The following ABRAXAS2 variants were observed in gnomAD, a reference collection of about 807,000 sequenced individuals.
ABRAXAS2 encodes the protein BRISC complex subunit Abraxas 2.
A neutral mutation model predicts 49.0 loss-of-function variants in ABRAXAS2; 23 were observed. The observed-to-expected ratio is 0.47, with a 90% confidence interval of 0.34 to 0.66. The LOEUF (loss-of-function observed/expected upper bound fraction) is 0.66. Ranked by LOEUF, ABRAXAS2 falls within the 30% of genes least tolerant of loss-of-function variation. The pLI, the probability that ABRAXAS2 is intolerant of heterozygous loss-of-function variation, is 0.01. For missense variants in ABRAXAS2, 443 were observed against 511.9 expected (o/e 0.87, Z 1.30); for synonymous variants, 168 against 180.2 (o/e 0.93, Z 0.54).
intron 1 of ABRAXAS2, among the ~76,000 whole-genome samples, chr10:124,805,003 C>T (rs551049543): frequency 7.9e-5 from 12 of 152,064 alleles, no homozygotes; most frequent in East Asian, 1.9e-4. Flanking sequence ...CAAGAGCCAC[C>T]GTGCCCGGCC....
At chr10:124,816,148 G>A (rs1195801294) in intron 2 of ABRAXAS2, among the ~76,000 whole-genome samples, 12 of 151,714 alleles carry the variant, frequency 7.9e-5, no homozygotes, top group Admixed American at 7.2e-4. Flanking sequence ...TGATCTGTCC[G>A]CCTCAGCTTC....
At chr10:124,815,034 A>C (rs555880943) in intron 2 of ABRAXAS2, 1 of 152,318 alleles carries the variant, frequency 6.6e-6, no homozygotes, top group Non-Finnish European at 1.5e-5. Context: ...TAAACAATCA[A>C]TTGAGATAAC....
intron 2 of ABRAXAS2, among the ~76,000 whole-genome samples, chr10:124,808,540 C>A (rs1486282564): frequency 1.3e-5 from 2 of 152,066 alleles, no homozygotes; most frequent in Non-Finnish European, 2.9e-5. Context: ...GAAGGAAATA[C>A]CCAGAATCAT....
chr10:124,832,278 T>C (rs1045728169), intron 8 of ABRAXAS2, among the ~76,000 whole-genome samples: 1 of 152,142 alleles, frequency 6.6e-6, no homozygotes, highest in East Asian at 1.9e-4. Flanking sequence ...ATAGACACCA[T>C]TAGGCTAAGG....
In ABRAXAS2 at chr10:124,806,888, C is replaced by A; in HGVS notation, c.130C>A (p.Gln44Lys). The A allele has an allele frequency of 6.2e-7, 1 of 1,611,844 alleles. No homozygotes were observed. The highest frequency in any genetic ancestry group is 8.5e-7 in the Non-Finnish European group (1 of 1,178,696). Reference sequence around the variant, plus strand: ...GGAAACGTTTAGCATCAGTGACTCACAAATCAGCAACACAGAATTTCTGCA... The same window carrying A: ...GGAAACGTTTAGCATCAGTGACTCAAAAATCAGCAACACAGAATTTCTGCA... ...QEETFSISDS[Q>K]ISNTEFLQVI... Residue 44 changes from glutamine to lysine, a missense_variant, in exon 2 of 9, where the codon CAA (glutamine) becomes AAA (lysine). By Grantham distance (53) the Gln-to-Lys change is moderately conservative. Coordinates refer to ENST00000298492, the MANE Select transcript of ABRAXAS2 (RefSeq NM_032182.4).
rs1256231125 is a variant in ABRAXAS2 at position 124,834,611 on chromosome 10, T to G, written c.888T>G (p.Leu296=). 2 of 1,614,216 alleles carry G rather than the reference T, an allele frequency of 1.2e-6. No individual in the cohort carries two copies. Among genetic ancestry groups the G allele is most frequent in the South Asian group, 1.1e-5 (1 of 91,082 alleles). Residue 296 remains leucine, a synonymous_variant, in exon 9 of 9, where the codon CTT becomes CTG. Coordinates refer to ENST00000298492, the MANE Select transcript of ABRAXAS2 (RefSeq NM_032182.4). ...TTGCAGCTGAAGGCAGAAGTACACT[T>G]GGAGATGCAGAGGCCTCGGATCCTC... ...SGFAAEGRST[L]GDAEASDPPP... is the part of the protein sequence containing the mutation.
intron 3 of ABRAXAS2, 39 bp downstream of exon 3, chr10:124,816,651 T>C: frequency 2.7e-6 from 4 of 1,479,738 alleles, no homozygotes; most frequent in Non-Finnish European, 3.8e-6. Context: ...ACTAAAAGGA[T>C]TGATTGATAA....
chr10:124,807,704 C>G (rs1564918367), intron 2 of ABRAXAS2, among the ~76,000 whole-genome samples: 1 of 152,164 alleles, frequency 6.6e-6, no homozygotes. Context: ...AACAGAATGT[C>G]TAGCTATAAG....
chr10:124,834,365 TA>T, intron 8 of ABRAXAS2, 136 bp from the exon 9 acceptor site: 1 of 678,764 alleles, frequency 1.5e-6, no homozygotes, highest in Non-Finnish European at 2.5e-6. Flanking sequence ...TATGCAATTG[TA>T]AAATAATTAA....
In ABRAXAS2 at chr10:124,822,041, A is replaced by G. The variant is rs555694852; in HGVS notation, c.267+2591A>G. Reference sequence around the variant, plus strand: ...AATCATTTGCTTAAGGTCATCAGCAATTCATGATGGAGCCATGGTTTAAAC... The same window carrying G: ...AATCATTTGCTTAAGGTCATCAGCAGTTCATGATGGAGCCATGGTTTAAAC... On this transcript the variant is annotated intron_variant, in intron 4 of 8. Transcript: ENST00000298492. 2.0e-5 allele frequency among the ~76,000 whole-genome samples: 3 copies of G among 152,326 alleles called. No individual in the cohort carries two copies. The South Asian group carries it at 6.2e-4, about 32-fold the overall frequency.
rs149492625 is a variant in ABRAXAS2, at chr10:124,816,753, G to C, written c.200+141G>C. 4.6e-3 allele frequency: 2,924 copies of C among 632,194 alleles called. 12 individuals are homozygous for C. The highest frequency in any genetic ancestry group is 6.8e-3 in the Non-Finnish European group (2,409 of 353,508). The allele number at this position is 632,194 out of a possible 1,614,324, so 39.2% of individuals were successfully genotyped here. On this transcript the variant is annotated intron_variant, in intron 3 of 8. Transcript: ENST00000298492. ...TGTATTTATTGAGTGCTTTGTACAC[G>C]GCACTGTGTTAGGTTAGGAAAAGGG...
chr10:124,818,423 A>G (rs1274880327), intron 3 of ABRAXAS2, among the ~76,000 whole-genome samples: 1 of 151,328 alleles, frequency 6.6e-6, no homozygotes, highest in Admixed American at 6.6e-5. Context: ...AAAAGATTAG[A>G]CTCAGTTATT....
chr10:124,810,816 T>C (rs369296333), intron 2 of ABRAXAS2, among the ~76,000 whole-genome samples: 12 of 151,432 alleles, frequency 7.9e-5, no homozygotes, highest in African/African-American at 2.4e-4. Context: ...CTCTTGACCT[T>C]GTGATCCATC....
chr10:124,819,309 C>T, intron 3 of ABRAXAS2, 75 bp from the exon 4 acceptor site: 2 of 1,173,006 alleles, frequency 1.7e-6, no homozygotes, highest in Admixed American at 1.7e-5. Context: ...AGGGTTACCA[C>T]AGGCATATGC....
At chr10:124,822,622 G>A (rs1456478918) in intron 4 of ABRAXAS2, among the ~76,000 whole-genome samples, 1 of 152,148 alleles carries the variant, frequency 6.6e-6, no homozygotes, top group East Asian at 1.9e-4. Flanking sequence ...GCAAAACCCT[G>A]TCTCTACAAA....
At chr10:124,812,390 C>G (rs967124664) in intron 2 of ABRAXAS2, among the ~76,000 whole-genome samples, 10 of 152,144 alleles carry the variant, frequency 6.6e-5, no homozygotes, top group African/African-American at 2.4e-4. Flanking sequence ...GTGGCTCACA[C>G]CTGTAAAGCT....
At chr10:124,832,183 A>G (rs895327236) in intron 8 of ABRAXAS2, among the ~76,000 whole-genome samples, 3 of 151,978 alleles carry the variant, frequency 2.0e-5, no homozygotes, top group Non-Finnish European at 4.4e-5. Flanking sequence ...ATATAGCCTC[A>G]TAGAGGAGCT....
At chr10:124,834,122 A>G (rs1166141908) in intron 8 of ABRAXAS2, among the ~76,000 whole-genome samples, 1 of 152,166 alleles carries the variant, frequency 6.6e-6, no homozygotes, top group Non-Finnish European at 1.5e-5. Flanking sequence ...GTGACACAGC[A>G]AGCCCCACGC....
intron 2 of ABRAXAS2, among the ~76,000 whole-genome samples, chr10:124,809,329 G>A (rs1950769380): frequency 6.6e-6 from 1 of 151,868 alleles, no homozygotes; most frequent in African/African-American, 2.4e-5. Context: ...TGGCTCTGTT[G>A]CCCAGGCTGG....
Sources: gnomAD v4.1 joint callset for allele counts (sites outside exome capture counted in the v4.1 genomes callset) on GRCh38, gnomAD v4.1.1 for gene constraint, MANE v1.5 for transcripts, NCBI Gene and HGNC (gene_info 2026-07-23, HGNC 2026-07-21) for gene names.